The following MAMDC2 variants were observed in gnomAD, a reference collection of about 807,000 sequenced individuals.
MAMDC2 encodes MAM domain-containing protein 2.
MAMDC2 carries 57 observed loss-of-function variants against 89.8 expected under a neutral mutation model. The observed-to-expected ratio is 0.63, with a 90% CI of 0.51 to 0.79. The LOEUF is 0.79. Ranked by LOEUF, MAMDC2 falls within the 30% of genes least tolerant of loss-of-function variation. The pLI is 0.00. For synonymous variants in MAMDC2, 313 were observed against 293.4 expected (o/e 1.07, Z -0.68); for missense variants, 800 against 820.6 (o/e 0.97, Z 0.31).
chr9:70,093,263 G>A lies in MAMDC2; in HGVS notation c.149-14948G>A, dbSNP rs564282012. The stretch of plus-strand genomic sequence containing the variant: ...TGATGGCAGTGTTCTTAGCAAAACT[G>A]GTAAGATAGCATCTCTTGTCTTGTG... On this transcript the variant is annotated intron_variant, in intron 2 of 13. Transcript: ENST00000377182. Among the ~76,000 whole-genome samples, 37 of 152,192 alleles carry A rather than the reference G, an allele frequency of 2.4e-4. No homozygotes were observed. In the South Asian group the frequency reaches 7.7e-3, roughly 32 times the overall value.
At chr9:70,175,939 A>G (rs2032485681) in intron 11 of MAMDC2, 2 of 152,176 alleles carry the variant, frequency 1.3e-5, no homozygotes, top group Non-Finnish European at 2.9e-5. Flanking sequence ...CCACCCTAAC[A>G]ATCCCATTGT....
chr9:70,083,476 A>G (rs536858260), intron 2 of MAMDC2: 2 of 152,218 alleles, frequency 1.3e-5, no homozygotes, highest in Admixed American at 1.3e-4. Context: ...TGGATATAAT[A>G]TGTCTCCTAA....
At chr9:70,049,946 A>T (rs1024098848) in intron 2 of MAMDC2, among the ~76,000 whole-genome samples, 3 of 151,886 alleles carry the variant, frequency 2.0e-5, no homozygotes, top group African/African-American at 7.3e-5. Context: ...CAGCCCTTGG[A>T]CATTGCCTCA....
intron 2 of MAMDC2, among the ~76,000 whole-genome samples, chr9:70,091,442 A>G (rs1320655353): frequency 6.6e-6 from 1 of 152,158 alleles, no homozygotes; most frequent in African/African-American, 2.4e-5. Flanking sequence ...TCGAATCTAA[A>G]ATACTCTTTT....
intron 2 of MAMDC2, among the ~76,000 whole-genome samples, chr9:70,076,920 A>G (rs890859470): frequency 6.6e-6 from 1 of 152,188 alleles, no homozygotes; most frequent in African/African-American, 2.4e-5. Flanking sequence ...GTTCCCTTGG[A>G]GATTGTCATA....
At chr9:70,183,434 GACA>G (rs1348461520) in intron 11 of MAMDC2, among the ~76,000 whole-genome samples, 2 of 151,912 alleles carry the variant, frequency 1.3e-5, no homozygotes. Flanking sequence ...ATCTAATACT[GACA>G]ATGGGGTGTT....
At chr9:70,140,875 T>G (rs561485325) in intron 8 of MAMDC2, among the ~76,000 whole-genome samples, 1 of 152,226 alleles carries the variant, frequency 6.6e-6, no homozygotes, top group Non-Finnish European at 1.5e-5. Context: ...GGACACTTGA[T>G]GGATATATTT....
chr9:70,075,724 A>T (rs779965971), intron 2 of MAMDC2, among the ~76,000 whole-genome samples: 2 of 152,212 alleles, frequency 1.3e-5, no homozygotes, highest in Non-Finnish European at 2.9e-5. Flanking sequence ...CTACAACTAC[A>T]ATTACATGTG....
Position 70,046,112 on chromosome 9 carries a change from C to T in MAMDC2, c.148+1415C>T, listed in dbSNP as rs896977350. On this transcript the variant is annotated intron_variant, in intron 2 of 13. Transcript: ENST00000377182. ...CTTTGGAGAGCACACTCCTCCAGCA[C>T]GGGGCTTCTCAAACCTCAGCTGCAT... 1.6e-4 allele frequency among the ~76,000 whole-genome samples: 24 copies of T among 152,290 alleles called. 1 individual carries two copies. The highest frequency in any genetic ancestry group is 3.4e-3 in the Middle Eastern group (1 of 292).
At chr9:70,166,274 T>TACACAC (rs761917593) in intron 9 of MAMDC2, among the ~76,000 whole-genome samples, 20 of 49,626 alleles carry the variant, frequency 4.0e-4, no homozygotes, top group Non-Finnish European at 8.4e-4. Flanking sequence ...TATATATATA[T>TACACAC]ATACACACAC....
At chr9:70,155,294 C>T (rs1233732653) in intron 9 of MAMDC2, among the ~76,000 whole-genome samples, 1 of 152,202 alleles carries the variant, frequency 6.6e-6, no homozygotes, top group Non-Finnish European at 1.5e-5. Context: ...CTGCCTCATT[C>T]TTAGGATGTG....
chr9:70,204,599 C>A (rs1044865872), intron 11 of MAMDC2, among the ~76,000 whole-genome samples: 41 of 141,340 alleles, frequency 2.9e-4, no homozygotes, highest in Non-Finnish European at 5.6e-4. Flanking sequence ...TCGAGCTTCC[C>A]GGCTGCTTTG....
At chr9:70,188,275 C>T (rs373279011) in intron 11 of MAMDC2, among the ~76,000 whole-genome samples, 1 of 152,106 alleles carries the variant, frequency 6.6e-6, no homozygotes, top group African/African-American at 2.4e-5. Flanking sequence ...CAGTCTCTAC[C>T]ATTTGATCAG....
chr9:70,086,438 GA>G (rs1827772467), intron 2 of MAMDC2: 1 of 152,118 alleles, frequency 6.6e-6, no homozygotes, highest in South Asian at 2.1e-4. Flanking sequence ...GTCTTGAGGA[GA>G]AACAAAAGCC....
At chr9:70,158,878 A>G (rs1006653796) in intron 9 of MAMDC2, among the ~76,000 whole-genome samples, 1 of 152,152 alleles carries the variant, frequency 6.6e-6, no homozygotes, top group African/African-American at 2.4e-5. Flanking sequence ...CACAATGGTA[A>G]GTATTTTTGT....
intron 9 of MAMDC2, among the ~76,000 whole-genome samples, chr9:70,159,047 T>TAC (rs755304556): frequency 0.12 from 17,638 of 145,012 alleles, 1,832 homozygotes; most frequent in African/African-American, 0.3. Flanking sequence ...GCATGCATAA[T>TAC]ACACACACAC....
intron 9 of MAMDC2, among the ~76,000 whole-genome samples, chr9:70,152,098 C>A (rs2031600573): frequency 6.6e-6 from 1 of 152,194 alleles, no homozygotes; most frequent in Non-Finnish European, 1.5e-5. Flanking sequence ...ACTCCTGATG[C>A]CTGCCTTCTG....
chr9:70,197,437 T>C (rs541750997), intron 11 of MAMDC2, among the ~76,000 whole-genome samples: 2 of 152,160 alleles, frequency 1.3e-5, no homozygotes, highest in South Asian at 4.1e-4. Flanking sequence ...TTTTCAAGTA[T>C]TACCAAATGA....
chr9:70,220,493 T>C (rs1039562109), intron 12 of MAMDC2, among the ~76,000 whole-genome samples: 6 of 152,206 alleles, frequency 3.9e-5, no homozygotes, highest in African/African-American at 1.2e-4. Flanking sequence ...GCTGAACTAG[T>C]TGCTCCAAAA....
Sources: allele counts gnomAD v4.1 joint callset (sites outside exome capture counted in the v4.1 genomes callset), GRCh38; gene constraint gnomAD v4.1.1; transcripts MANE v1.5; gene names NCBI Gene and HGNC (gene_info 2026-07-23, HGNC 2026-07-21).